The following ARIH2 variants were observed in gnomAD, a reference collection of about 807,000 sequenced individuals.
The protein encoded by ARIH2 is ariadne RBR E3 ubiquitin protein ligase 2.
A neutral mutation model predicts 79.8 loss-of-function variants in ARIH2; 12 were observed. The observed-to-expected ratio is 0.15, with a 90% CI of 0.10 to 0.24. ARIH2 has a LOEUF of 0.24. ARIH2 is among the 10% of genes least tolerant of loss of function. The pLI is 1.00. For missense variants in ARIH2, 301 were observed against 618.3 expected, an observed-to-expected ratio of 0.49 and a Z score of 5.44; for synonymous variants, 224 against 213.9, an observed-to-expected ratio of 1.05 and a Z score of -0.41.
intron 8 of ARIH2, 53 bp from the exon 9 acceptor site, chr3:48,973,646 C>T (rs1193385255): frequency 2.1e-5 from 28 of 1,334,772 alleles, no homozygotes; most frequent in Admixed American, 5.7e-5. Flanking sequence ...AAATTTTGAA[C>T]ATGGGACCCT....
chr3:48,963,181 C>G (rs1322215010), intron 4 of ARIH2, among the ~76,000 whole-genome samples: 3 of 152,168 alleles, frequency 2.0e-5, no homozygotes, highest in African/African-American at 7.2e-5. Flanking sequence ...ACTAACTGCA[C>G]TCATCCTGTG....
intron 3 of ARIH2, among the ~76,000 whole-genome samples, chr3:48,947,595 G>C (rs188969793): frequency 2.0e-5 from 3 of 152,186 alleles, no homozygotes; most frequent in Admixed American, 2.0e-4. Context: ...TGTTAAAACT[G>C]TAAAGTGGAA....
At chr3:48,944,910 A>G (rs1303313814) in intron 3 of ARIH2, 6 of 368,244 alleles carry the variant, frequency 1.6e-5, no homozygotes, top group Non-Finnish European at 3.2e-5. Flanking sequence ...ATCATGTCCC[A>G]TTCTAGCCAT....
chr3:48,949,353 C>T (rs1316232562), intron 3 of ARIH2, among the ~76,000 whole-genome samples: 1 of 152,126 alleles, frequency 6.6e-6, no homozygotes, highest in Non-Finnish European at 1.5e-5. Context: ...CTCCTGACCT[C>T]GTGATCCGCC....
chr3:48,919,076 C>G (rs2084332966), intron 1 of ARIH2, 78 bp downstream of exon 1: 1 of 1,277,516 alleles, frequency 7.8e-7, no homozygotes, highest in Non-Finnish European at 9.9e-7. Flanking sequence ...CCTCCCTGGC[C>G]GGGCCGGGAC....
intron 3 of ARIH2, among the ~76,000 whole-genome samples, chr3:48,933,158 C>T (rs2086601406): frequency 6.6e-6 from 1 of 151,386 alleles, no homozygotes; most frequent in African/African-American, 2.4e-5. Flanking sequence ...CTAACTGCAG[C>T]CTCCAACTCC....
intron 3 of ARIH2, among the ~76,000 whole-genome samples, chr3:48,933,443 G>T (rs1045893832): frequency 1.3e-5 from 2 of 151,914 alleles, no homozygotes; most frequent in African/African-American, 4.8e-5. Flanking sequence ...GGTTACAGGC[G>T]TGAGCCACCA....
At chr3:48,959,077 G>A (rs1308372702) in intron 3 of ARIH2, among the ~76,000 whole-genome samples, 1 of 151,966 alleles carries the variant, frequency 6.6e-6, no homozygotes, top group Admixed American at 6.6e-5. Flanking sequence ...AGCACTTTGG[G>A]AGGCCAAGGC....
intron 3 of ARIH2, among the ~76,000 whole-genome samples, chr3:48,933,988 G>A (rs2086759939): frequency 6.6e-6 from 1 of 152,056 alleles, no homozygotes; most frequent in South Asian, 2.1e-4. Context: ...ATATTTCCTA[G>A]AACACTCTAT....
At chr3:48,963,580 T>C (rs1576433821) in intron 4 of ARIH2, among the ~76,000 whole-genome samples, 2 of 152,234 alleles carry the variant, frequency 1.3e-5, no homozygotes, top group East Asian at 3.8e-4. Flanking sequence ...TAGGTAACTC[T>C]TACTGTCACG....
At chr3:48,955,650 T>C (rs1045691513) in intron 3 of ARIH2, among the ~76,000 whole-genome samples, 6 of 152,232 alleles carry the variant, frequency 3.9e-5, no homozygotes, top group Non-Finnish European at 8.8e-5. Flanking sequence ...ATGGTGTGAA[T>C]ACTAGTTCGT....
intron 3 of ARIH2, among the ~76,000 whole-genome samples, chr3:48,959,672 A>AG (rs1173927479): frequency 1.3e-5 from 2 of 150,658 alleles, no homozygotes; most frequent in African/African-American, 4.9e-5. Context: ...AAAAAAAAAA[A>AG]AAAGAAAAGA....
intron 3 of ARIH2, among the ~76,000 whole-genome samples, chr3:48,930,133 T>A (rs921855953): frequency 1.3e-5 from 2 of 152,112 alleles, no homozygotes; most frequent in Non-Finnish European, 2.9e-5. Context: ...TGTGGCTCTT[T>A]TGGTTGGGTT....
At chr3:48,975,583 G>A (rs932142593) in intron 11 of ARIH2, among the ~76,000 whole-genome samples, 2 of 151,124 alleles carry the variant, frequency 1.3e-5, no homozygotes, top group Admixed American at 1.3e-4. Context: ...TTTTTTTTGG[G>A]AGAAGGAGTC....
At chr3:48,974,153 A>G (rs753978281) in intron 9 of ARIH2, among the ~76,000 whole-genome samples, 6 of 152,192 alleles carry the variant, frequency 3.9e-5, no homozygotes, top group Non-Finnish European at 7.3e-5. Context: ...CTTGATACAT[A>G]TAAGGCTGTA....
chr3:48,983,402 C>G lies in ARIH2; in HGVS notation c.*132C>G, dbSNP rs1448727094. On this transcript the variant is annotated 3_prime_UTR_variant, in exon 16 of 16. Coordinates refer to ENST00000356401, the MANE Select transcript of ARIH2 (RefSeq NM_006321.4). ...GGGCCCCACTCCTGAGAGACACTGG[C>G]AACACCTCTTAGTTGATTTCTGTTT... 2 of 795,820 alleles carry G rather than the reference C, an allele frequency of 2.5e-6. No homozygotes were observed. The highest frequency in any genetic ancestry group is 4.0e-5 in the Admixed American group (2 of 49,672). 49.3% of individuals were successfully genotyped at this position (795,820 alleles called of 1,614,324 possible). A position where few individuals can be genotyped will look rare whatever the true frequency, so the allele number is the denominator to read the frequency against.
At chr3:48,949,722 C>T (rs1342021083) in intron 3 of ARIH2, among the ~76,000 whole-genome samples, 3 of 151,898 alleles carry the variant, frequency 2.0e-5, no homozygotes, top group Non-Finnish European at 4.4e-5. Context: ...GCATTTTGTG[C>T]CTTACTGAGT....
intron 3 of ARIH2, among the ~76,000 whole-genome samples, chr3:48,946,973 G>A (rs1006900900): frequency 1.3e-5 from 2 of 152,132 alleles, no homozygotes; most frequent in African/African-American, 4.8e-5. Context: ...TATCTTTGGG[G>A]CTTATGTTCA....
intron 3 of ARIH2, among the ~76,000 whole-genome samples, chr3:48,940,369 ATAGAT>A (rs1443828925): frequency 6.6e-6 from 1 of 152,084 alleles, no homozygotes; most frequent in Non-Finnish European, 1.5e-5. Flanking sequence ...AGATAGATAG[ATAGAT>A]TAGATAGATA....
Sources: allele counts gnomAD v4.1 joint callset (sites outside exome capture counted in the v4.1 genomes callset), GRCh38; gene constraint gnomAD v4.1.1; transcripts MANE v1.5; gene names NCBI Gene and HGNC (gene_info 2026-07-23, HGNC 2026-07-21).